SH3D21: variants seen among roughly 807,000 people sequenced by gnomAD.
The protein encoded by SH3D21 is SH3 domain-containing protein 21.
In SH3D21, 83 loss-of-function variants were observed where a neutral mutation model predicts 82.1. That is an observed-to-expected ratio of 1.01 (90% confidence interval 0.85 to 1.21). The LOEUF (loss-of-function observed/expected upper bound fraction) is 1.21. Among genes scored for constraint, SH3D21 ranks in the 50% most tolerant of loss-of-function variants. SH3D21 has a pLI of 0.00. For synonymous variants in SH3D21, 383 were observed against 387.8 expected, an observed-to-expected ratio of 0.99 and a Z score of 0.15; for missense variants, 980 against 962.1, an observed-to-expected ratio of 1.02 and a Z score of -0.25.
downstream of SH3D21, among the ~76,000 whole-genome samples, chr1:36,325,594 G>A (rs1646534199): frequency 6.6e-6 from 1 of 152,136 alleles, no homozygotes; most frequent in South Asian, 2.1e-4. Flanking sequence ...ACCCAGGCTG[G>A]AGTGCAGTGG....
At chr1:36,321,594 C>A, downstream of SH3D21, 1 of 906,982 alleles carries the variant, frequency 1.1e-6, no homozygotes, top group Non-Finnish European at 1.4e-6. The surrounding 1 kb of genome is among the most constrained non-coding windows in gnomAD (Gnocchi z 6.1). Flanking sequence ...CTCCTGCCCT[C>A]TCGCTTGAAC....
intron 10 of SH3D21, among the ~76,000 whole-genome samples, chr1:36,311,530 G>A (rs1441055154): frequency 3.3e-5 from 5 of 152,316 alleles, no homozygotes; most frequent in East Asian, 3.9e-4. Context: ...ATGAGCCATC[G>A]TGCCCGGCCT....
In SH3D21 at chr1:36,306,677, G is replaced by A; in HGVS notation, c.84G>A (p.Val28=). Residue 28 remains valine, a synonymous_variant, in exon 2 of 16, where the codon GTG becomes GTA. Transcript: ENST00000453908. The surrounding 1 kb of genome is among the most constrained non-coding windows in gnomAD (Gnocchi z 4.5). ...SLAPGDVVRQ[V]RWVPARGWLR... The stretch of plus-strand genomic sequence containing the variant: ...CGCCCGGGGACGTGGTCCGGCAGGT[G>A]CGCTGGGTGCCCGCGCGGGGCTGGC... The A allele has an allele frequency of 3.9e-6, 5 of 1,297,828 alleles. No homozygotes were observed. Among genetic ancestry groups the A allele is most frequent in the South Asian group, 1.2e-5 (1 of 80,784 alleles). 80.4% of individuals were successfully genotyped at this position (1,297,828 alleles called of 1,614,324 possible).
At chr1:36,308,059 T>C (rs1206078157) in intron 7 of SH3D21, 50 bp from the exon 8 acceptor site, 1 of 1,547,494 alleles carries the variant, frequency 6.5e-7, no homozygotes, top group South Asian at 1.2e-5. Flanking sequence ...GGGCTGCTGA[T>C]GGATGGGGGA....
intron 10 of SH3D21, among the ~76,000 whole-genome samples, chr1:36,316,345 G>C (rs548004049): frequency 4.6e-5 from 7 of 152,038 alleles, no homozygotes; most frequent in Non-Finnish European, 1.0e-4. Flanking sequence ...AGCAATTCTC[G>C]TGCTTCAGCC....
chr1:36,313,327 C>CAATAAATAAATAAATAAATAAATA lies in SH3D21; in HGVS notation c.769+3743_769+3766dup, dbSNP rs60993866. Reference sequence around the variant, plus strand: ...GGTGACAGAGTGAGACTCTGTCTCACAATAAATAAATAAATAAATAAATAA... The same window carrying CAATAAATAAATAAATAAATAAATA: ...GGTGACAGAGTGAGACTCTGTCTCACAATAAATAAATAAATAAATAAATAAATAAATAAATAAATAAATAAATAA... On this transcript the variant is annotated intron_variant, in intron 10 of 15. Coordinates refer to ENST00000453908, the MANE Select transcript of SH3D21 (RefSeq NM_001162530.2). Among the ~76,000 whole-genome samples, 247 of 142,590 alleles carry CAATAAATAAATAAATAAATAAATA rather than the reference C, an allele frequency of 1.7e-3. 1 individual carries two copies. The highest frequency in any genetic ancestry group is 4.7e-3 in the African/African-American group (183 of 38,542). The allele number at this position is 142,590 out of a possible 152,430, so 93.5% of individuals were successfully genotyped here.
chr1:36,314,441 G>C (rs890421731), intron 10 of SH3D21, among the ~76,000 whole-genome samples: 3 of 149,790 alleles, frequency 2.0e-5, no homozygotes, highest in African/African-American at 7.4e-5. Flanking sequence ...ATATATATAT[G>C]GTTTGCAATA....
rs552791949 is a variant in SH3D21 at position 36,319,891 on chromosome 1, C to T, written c.1228C>T (p.Pro410Ser). Residue 410 changes from proline to serine, a missense_variant, in exon 14 of 16, where the codon CCT (proline) becomes TCT (serine). Transcript: ENST00000453908. ...GNSTSGKIPA[P>S]DKVPTPEKMV... Reference sequence around the variant, plus strand: ...CTCCACCTCGGGGAAGATCCCAGCTCCTGACAAAGTCCCCACCCCAGAGAA... The same window carrying T: ...CTCCACCTCGGGGAAGATCCCAGCTTCTGACAAAGTCCCCACCCCAGAGAA... The T allele has an allele frequency of 6.2e-7, 1 of 1,614,122 alleles. No individual in the cohort carries two copies. Among genetic ancestry groups the T allele is most frequent in the Non-Finnish European group, 8.5e-7 (1 of 1,180,002 alleles).
downstream of SH3D21, chr1:36,322,674 A>C (rs1385517486): frequency 6.5e-7 from 1 of 1,547,152 alleles, no homozygotes; most frequent in Non-Finnish European, 8.7e-7. Context: ...GGTGAGCAGC[A>C]GGCCGAAGCA....
intron 8 of SH3D21, 23 bp downstream of exon 8, chr1:36,308,232 G>T (rs1290639703): frequency 6.6e-7 from 1 of 1,514,406 alleles, no homozygotes; most frequent in Non-Finnish European, 8.9e-7. Flanking sequence ...CAGGGTGGGG[G>T]GGCCCAGGGA....
Position 36,313,383 on chromosome 1 carries a change from TGGTAA to T in SH3D21, c.769+3794_769+3798del, listed in dbSNP as rs1273482958. Among the ~76,000 whole-genome samples the T allele has an allele frequency of 1.3e-4, 19 of 147,810 alleles. No individual in the cohort carries two copies. In the East Asian group the frequency reaches 3.8e-3, roughly 29 times the overall value. On this transcript the variant is annotated intron_variant, in intron 10 of 15. Coordinates refer to ENST00000453908, the MANE Select transcript of SH3D21 (RefSeq NM_001162530.2). ...ATGGGAATCATCTTTCCTTGCAAGC[TGGTAA>T]AACTTGTCTGTAAATTCATCTTGCC...
chr1:36,322,637 C>T, downstream of SH3D21: 2 of 1,546,238 alleles, frequency 1.3e-6, no homozygotes. Flanking sequence ...GGGGCGCCCA[C>T]GAGATGCTGA....
At chr1:36,308,900 G>A (rs1238141168) in intron 9 of SH3D21, among the ~76,000 whole-genome samples, 10 of 151,272 alleles carry the variant, frequency 6.6e-5, no homozygotes, top group Admixed American at 4.0e-4. Flanking sequence ...GCAGTGAGCC[G>A]AGATTGTGCC....
Position 36,321,050 on chromosome 1 carries a change from G to A in SH3D21, c.2200-6G>A. On this transcript the variant is annotated splice_polypyrimidine_tract_variant and splice_region_variant and intron_variant, in intron 15 of 15. Transcript: ENST00000453908. The surrounding 1 kb of genome is among the most constrained non-coding windows in gnomAD (Gnocchi z 6.1). ...CTGACAAAGTCTCCACCTCACTCCC[G>A]ACCAGGTCCAGGTGATGCAGGGGAC... The A allele has an allele frequency of 1.2e-6, 2 of 1,610,210 alleles. No homozygotes were observed. Among genetic ancestry groups the A allele is most frequent in the Non-Finnish European group, 1.7e-6 (2 of 1,178,554 alleles).
chr1:36,321,103 C>A lies in SH3D21; in HGVS notation c.2247C>A (p.Ile749=), dbSNP rs1024288579. The A allele has an allele frequency of 6.2e-7, 1 of 1,611,954 alleles. No individual in the cohort carries two copies. Among genetic ancestry groups the A allele is most frequent in the African/African-American group, 1.3e-5 (1 of 74,910 alleles). The change falls in exon 16 of 16, where the codon ATC becomes ATA. Residue 749 remains isoleucine, a synonymous_variant. Transcript: ENST00000453908. This position sits in a 1 kb window ranked among gnomAD's most constrained non-coding sequence, Gnocchi z 6.1. ...AGAAGTCCCAGACCCCGCGCGTCAT[C>A]CACACGCAGACGCAGACCTACTGAG... ...GTQKSQTPRV[I]HTQTQTY
In SH3D21 at chr1:36,306,872, G is replaced by T; in HGVS notation, c.193G>T (p.Glu65Ter). The change falls in exon 3 of 16, where the codon GAG becomes TAG. Residue 65 changes from glutamate (E) to a stop codon, truncating the protein, a stop_gained. Coordinates refer to ENST00000453908, the MANE Select transcript of SH3D21 (RefSeq NM_001162530.2). LOFTEE classifies it high-confidence loss of function. The surrounding 1 kb of genome is among the most constrained non-coding windows in gnomAD (Gnocchi z 4.5). Reference sequence around the variant, plus strand: ...CCCAGAGACCCTGCGGGGCTCCGGAGAGGCGCGGAGGCCGCGCTGTGCGCG... The same window carrying T: ...CCCAGAGACCCTGCGGGGCTCCGGATAGGCGCGGAGGCCGCGCTGTGCGCG... ...EIPETLRGSG[E>*]ARRPRCARRR... is the part of the protein sequence containing the mutation. The T allele has an allele frequency of 7.7e-7, 1 of 1,300,246 alleles. No individual in the cohort carries two copies. The allele number at this position is 1,300,246 out of a possible 1,614,324, so 80.5% of individuals were successfully genotyped here.
At chr1:36,316,970 C>T (rs1429890967) in intron 10 of SH3D21, among the ~76,000 whole-genome samples, 2 of 152,112 alleles carry the variant, frequency 1.3e-5, no homozygotes, top group Non-Finnish European at 2.9e-5. Flanking sequence ...CCACTGCACC[C>T]AGTCCAGTCC....
Position 36,320,110 on chromosome 1 carries a change from G to T in SH3D21, c.1447G>T (p.Glu483Ter). The change falls in exon 14 of 16, where the codon GAA becomes TAA. Residue 483 changes from glutamate to a stop codon, truncating the protein, a stop_gained. Coordinates refer to ENST00000453908, the MANE Select transcript of SH3D21 (RefSeq NM_001162530.2). LOFTEE classifies it high-confidence loss of function. The part of the protein sequence containing the change: ...APLGDEAPTL[E>*]KVLTPELSEE... ...TCTGGGGGATGAGGCCCCCACTCTA[G>T]AAAAGGTCTTGACCCCAGAGCTTTC... 1 of 1,614,048 alleles carries T rather than the reference G, an allele frequency of 6.2e-7. No homozygotes were observed. The highest frequency in any genetic ancestry group is 8.5e-7 in the Non-Finnish European group (1 of 1,180,030).
downstream of SH3D21, chr1:36,321,991 G>A: frequency 8.4e-7 from 1 of 1,194,622 alleles, no homozygotes; most frequent in South Asian, 3.2e-5. This position sits in a 1 kb window ranked among gnomAD's most constrained non-coding sequence, Gnocchi z 6.1. Flanking sequence ...AGGAGCCTGG[G>A]GGTCGCTGGG....
Sources: allele counts gnomAD v4.1 joint callset (sites outside exome capture counted in the v4.1 genomes callset), GRCh38; gene constraint gnomAD v4.1.1; non-coding constraint Gnocchi (gnomAD v3.1); transcripts MANE v1.5; gene names NCBI Gene and HGNC (gene_info 2026-07-23, HGNC 2026-07-21).